TIAM2: variants seen among roughly 807,000 people sequenced by gnomAD.
The protein encoded by TIAM2 is TIAM Rac1 associated GEF 2.
A neutral mutation model predicts 152.9 loss-of-function variants in TIAM2; 80 were observed. The observed-to-expected ratio is 0.52, with a 90% CI of 0.44 to 0.63. The LOEUF (loss-of-function observed/expected upper bound fraction) is 0.63, where lower values mean the gene tolerates loss of function less well. TIAM2 is among the 30% of genes least tolerant of loss of function. The pLI is 0.00. For synonymous variants in TIAM2, 804 were observed against 838.0 expected, an observed-to-expected ratio of 0.96 and a Z score of 0.70; for missense variants, 1,965 against 2,120.1, an observed-to-expected ratio of 0.93 and a Z score of 1.44.
chr6:155,147,268 C>G (rs556756020), intron 6 of TIAM2, among the ~76,000 whole-genome samples: 34 of 147,592 alleles, frequency 2.3e-4, no homozygotes, highest in African/African-American at 8.5e-4. Context: ...TTTACTCATT[C>G]TGTTAAAATT....
intron 15 of TIAM2, among the ~76,000 whole-genome samples, chr6:155,220,961 C>T (rs1463657922): frequency 6.6e-6 from 1 of 152,040 alleles, no homozygotes; most frequent in Non-Finnish European, 1.5e-5. Flanking sequence ...GTTCCCCTCC[C>T]TGTGTCCATG....
intron 1 of TIAM2, among the ~76,000 whole-genome samples, chr6:155,064,526 A>G (rs1256097484): frequency 6.6e-6 from 1 of 152,214 alleles, no homozygotes; most frequent in African/African-American, 2.4e-5. Context: ...AAGCATGAGA[A>G]GTGTGAGAGC....
At chr6:155,193,510 A>G (rs1167285997) in intron 14 of TIAM2, among the ~76,000 whole-genome samples, 1 of 152,256 alleles carries the variant, frequency 6.6e-6, no homozygotes, top group Admixed American at 6.5e-5. Flanking sequence ...TTTGAATTAT[A>G]TCTACCAATA....
intron 1 of TIAM2, among the ~76,000 whole-genome samples, chr6:155,018,451 G>C: frequency 6.6e-6 from 1 of 150,762 alleles, no homozygotes; most frequent in Non-Finnish European, 1.5e-5. Flanking sequence ...GAAACCCCGT[G>C]TCACTAATAA....
Position 155,240,669 on chromosome 6 carries a change from T to G in TIAM2, c.3308T>G (p.Val1103Gly), listed in dbSNP as rs780507785. 50 of 1,613,594 alleles carry G rather than the reference T, an allele frequency of 3.1e-5. No homozygotes were observed. Among genetic ancestry groups the G allele is most frequent in the Non-Finnish European group, 4.1e-5 (48 of 1,180,008 alleles). Residue 1103 changes from valine to glycine, a missense_variant, in exon 16 of 27, where the codon GTC (valine) becomes GGC (glycine). Around this residue, in one of 3 missense-constraint regions of TIAM2, gnomAD observed 935 missense variants for 980.0 expected, o/e 0.95. Transcript: ENST00000682666. Reference protein sequence around the residue: ...HLSDADRLRKVIQELVDTEKS... With the variant: ...HLSDADRLRKGIQELVDTEKS... ...TCTGATGCAGACCGCCTCCGCAAAGTCATCCAGGAGCTTGTGGACACAGAG... is the reference window on the plus strand; with the variant it reads ...TCTGATGCAGACCGCCTCCGCAAAGGCATCCAGGAGCTTGTGGACACAGAG...
At chr6:155,194,382 C>G (rs995701419) in intron 14 of TIAM2, among the ~76,000 whole-genome samples, 1 of 152,110 alleles carries the variant, frequency 6.6e-6, no homozygotes, top group Non-Finnish European at 1.5e-5. Context: ...TATGGTGGGT[C>G]AGATTTGTAG....
intron 15 of TIAM2, among the ~76,000 whole-genome samples, chr6:155,237,312 G>C (rs1445953598): frequency 6.6e-6 from 1 of 152,260 alleles, no homozygotes; most frequent in Non-Finnish European, 1.5e-5. Flanking sequence ...GTCTTGGGTA[G>C]CTCTGTCCCT....
rs546602844 is a variant in TIAM2, at chr6:155,079,880, A to G, written c.-208-10409A>G. On this transcript the variant is annotated intron_variant, in intron 1 of 26. Transcript: ENST00000682666. ...GGAGAATCGCTTGAAACTGGGAGGC[A>G]GAGGTTGCAGTGAGACGAGACTGTG... Among the ~76,000 whole-genome samples, 3 of 152,274 alleles carry G rather than the reference A, an allele frequency of 2.0e-5. No homozygotes were observed. In the East Asian group the frequency reaches 5.9e-4, roughly 30 times the overall value.
At chr6:155,167,223 A>ATT (rs111318391) in intron 9 of TIAM2, among the ~76,000 whole-genome samples, 7 of 151,206 alleles carry the variant, frequency 4.6e-5, no homozygotes, top group African/African-American at 1.5e-4. Flanking sequence ...CTTGTAATTA[A>ATT]TTTTTTTTTC....
At chr6:155,043,757 C>T (rs989251111) in intron 1 of TIAM2, among the ~76,000 whole-genome samples, 2 of 152,012 alleles carry the variant, frequency 1.3e-5, no homozygotes, top group African/African-American at 4.8e-5. Context: ...GATCTGGTCC[C>T]AATCTTTCAG....
intron 4 of TIAM2, among the ~76,000 whole-genome samples, chr6:155,132,691 C>T (rs1166233677): frequency 6.6e-6 from 1 of 152,202 alleles, no homozygotes; most frequent in Admixed American, 6.5e-5. Context: ...GGACAACGTC[C>T]ACGCCTTTTT....
intron 1 of TIAM2, among the ~76,000 whole-genome samples, chr6:155,000,484 T>C (rs1778293952): frequency 1.4e-5 from 2 of 147,100 alleles, no homozygotes; most frequent in South Asian, 4.3e-4. Flanking sequence ...TGAGCTGAGA[T>C]TGCGCCATTG....
chr6:155,165,170 TGCATTTATA>T (rs1466250395), intron 8 of TIAM2, 84 bp from the exon 9 acceptor site: 1 of 1,350,724 alleles, frequency 7.4e-7, no homozygotes, highest in African/African-American at 1.5e-5. Flanking sequence ...ATAGTCAGAA[TGCATTTATA>T]GCAAGCAGAG....
At chr6:155,200,955 C>T (rs762423884) in intron 14 of TIAM2, among the ~76,000 whole-genome samples, 1 of 151,968 alleles carries the variant, frequency 6.6e-6, no homozygotes, top group African/African-American at 2.4e-5. Context: ...AAAAAGAAGT[C>T]ACTCCTTATC....
rs758383270 is a variant in TIAM2, at chr6:155,130,317, C to G, written c.1094C>G (p.Ala365Gly). The G allele has an allele frequency of 6.8e-6, 11 of 1,614,020 alleles. No individual in the cohort carries two copies. Among genetic ancestry groups the G allele is most frequent in the Middle Eastern group, 1.6e-4 (1 of 6,084 alleles). ...SFTLPCRKPK[A>G]FVEDTAKKDS... Reference sequence around the variant, plus strand: ...ACTCTCCCCTGTCGGAAGCCCAAAGCCTTTGTTGAGGATACTGCGAAGAAG... The same window carrying G: ...ACTCTCCCCTGTCGGAAGCCCAAAGGCTTTGTTGAGGATACTGCGAAGAAG... Residue 365 changes from alanine (A) to glycine (G), a missense_variant, in exon 4 of 27, where the codon GCC becomes GGC. This residue lies in a region of TIAM2 where 1,025 missense variants were observed against 1,119.4 expected (regional missense o/e 0.92). Transcript: ENST00000682666.
intron 2 of TIAM2, among the ~76,000 whole-genome samples, chr6:155,099,398 A>C (rs1350939566): frequency 6.6e-6 from 1 of 152,158 alleles, no homozygotes; most frequent in African/African-American, 2.4e-5. Flanking sequence ...ATACCATGCT[A>C]GTATTGCGTT....
chr6:154,995,922 C>G lies in TIAM2; in HGVS notation c.-209+430C>G, dbSNP rs935646026. Reference sequence around the variant, plus strand: ...GAGGGGAGCGCCCGCTGCGCCCACGCCCGCCCGGCGACCTCGGAGCCTCAG... The same window carrying G: ...GAGGGGAGCGCCCGCTGCGCCCACGGCCGCCCGGCGACCTCGGAGCCTCAG... On this transcript the variant is annotated intron_variant, in intron 1 of 26. Coordinates refer to ENST00000682666, the MANE Select transcript of TIAM2 (RefSeq NM_012454.4). The surrounding 1 kb of genome is among the most constrained non-coding windows in gnomAD (Gnocchi z 5.2). 1.3e-5 allele frequency among the ~76,000 whole-genome samples: 2 copies of G among 152,186 alleles called. No individual in the cohort carries two copies. Among genetic ancestry groups the G allele is most frequent in the Non-Finnish European group, 2.9e-5 (2 of 68,032 alleles).
In TIAM2 at chr6:155,209,029, C is replaced by T. The variant is rs542673726; in HGVS notation, c.3065-2175C>T. Among the ~76,000 whole-genome samples the T allele has an allele frequency of 2.2e-4, 33 of 152,022 alleles. No homozygotes were observed. The South Asian group carries it at 3.5e-3, about 16-fold the overall frequency. On this transcript the variant is annotated intron_variant, in intron 14 of 26. Transcript: ENST00000682666. The stretch of plus-strand genomic sequence containing the variant: ...CTTGAAAGTCAAATAAATATTCCTT[C>T]GACATAAAGGCTTTGCTCAAGTGTC...
intron 10 of TIAM2, among the ~76,000 whole-genome samples, chr6:155,178,100 G>T (rs1182904003): frequency 2.7e-5 from 4 of 149,222 alleles, no homozygotes. Context: ...GGTGGAGCTT[G>T]CCTTAAGCCG....
Sources: allele counts gnomAD v4.1 joint callset (sites outside exome capture counted in the v4.1 genomes callset), GRCh38; gene constraint gnomAD v4.1.1; regional missense constraint gnomAD v4.1.1; non-coding constraint Gnocchi (gnomAD v3.1); transcripts MANE v1.5; gene names NCBI Gene and HGNC (gene_info 2026-07-23, HGNC 2026-07-21).